The following INPP4B variants were observed in gnomAD, a reference collection of about 807,000 sequenced individuals.
INPP4B encodes inositol polyphosphate-4-phosphatase type II B.
Under a neutral mutation model 122.5 loss-of-function variants are expected in INPP4B, and 55 were observed. The ratio of observed to expected loss-of-function variants is 0.45; its 90% CI spans 0.36 to 0.56. The LOEUF (loss-of-function observed/expected upper bound fraction) is 0.56. Among genes scored for constraint, INPP4B ranks in the 20% least tolerant of loss-of-function variants. The probability of loss-of-function intolerance (pLI) is 0.00; values close to 1 mark genes in which losing one functional copy is unlikely to be tolerated. For missense variants in INPP4B, 1,000 were observed against 1,097.7 expected (o/e 0.91, Z 1.26); for synonymous variants, 403 against 388.7 (o/e 1.04, Z -0.43).
intron 2 of INPP4B, among the ~76,000 whole-genome samples, chr4:142,718,591 T>C (rs1273568035): frequency 3.3e-5 from 5 of 152,174 alleles, no homozygotes; most frequent in South Asian, 4.1e-4. Context: ...TGTTCATGAA[T>C]AGCACTTTCT....
chr4:142,212,522 G>A (rs1320433082), intron 12 of INPP4B, among the ~76,000 whole-genome samples: 2 of 152,126 alleles, frequency 1.3e-5, no homozygotes, highest in Admixed American at 6.6e-5. Context: ...AGTTTCAGAC[G>A]TATTTTTCCT....
chr4:142,061,171 A>G (rs879147838), intron 25 of INPP4B, among the ~76,000 whole-genome samples: 4 of 152,210 alleles, frequency 2.6e-5, no homozygotes, highest in Admixed American at 1.3e-4. Flanking sequence ...TAACAAGAAG[A>G]TAAGTTTTAT....
At chr4:142,380,020 A>C (rs1793507054) in intron 7 of INPP4B, among the ~76,000 whole-genome samples, 1 of 152,246 alleles carries the variant, frequency 6.6e-6, no homozygotes, top group Admixed American at 6.5e-5. Flanking sequence ...CTCAGAGTCC[A>C]GGGAAATAAC....
chr4:142,461,381 A>G (rs1004753956), intron 3 of INPP4B, among the ~76,000 whole-genome samples: 3 of 152,208 alleles, frequency 2.0e-5, no homozygotes, highest in African/African-American at 7.2e-5. Flanking sequence ...CAATTTGTGT[A>G]GTTTTTCTCC....
rs3043168 is a variant in INPP4B, at chr4:142,042,516, GTGTATGTATGTATGTATGTA to G, written c.2643-13622_2643-13603del. Among the ~76,000 whole-genome samples the G allele has an allele frequency of 3.5e-3, 167 of 48,192 alleles. 2 individuals are homozygous for G. Among genetic ancestry groups the G allele is most frequent in the East Asian group, 0.024 (58 of 2,436 alleles). 31.6% of individuals were successfully genotyped at this position (48,192 alleles called of 152,430 possible). ...TTTTCCACTGCCAATTTATGTGTGT[GTGTATGTATGTATGTATGTA>G]TGTATGTATGTATGTATGTATGTAT... On this transcript the variant is annotated intron_variant, in intron 25 of 25. Transcript: ENST00000262992.
In INPP4B at chr4:142,410,483, A is replaced by G. The variant is rs199783157; in HGVS notation, c.137-5159T>C. 2.0e-5 allele frequency among the ~76,000 whole-genome samples: 3 copies of G among 152,232 alleles called. No homozygotes were observed. The East Asian group carries it at 5.8e-4, about 29-fold the overall frequency. On this transcript the variant is annotated intron_variant, in intron 5 of 25. Transcript: ENST00000262992. ...TCTTCCAGAACAAAGCAGTGGCCAC[A>G]GGTGCGTGGGAATCAGTGAGGGGGA... is the stretch of plus-strand genomic sequence containing the variant.
chr4:142,762,202 A>T (rs758680716), intron 1 of INPP4B, among the ~76,000 whole-genome samples: 12 of 152,070 alleles, frequency 7.9e-5, no homozygotes, highest in Non-Finnish European at 1.3e-4. Context: ...CAACTCCCTC[A>T]AATTCTGTAA....
intron 25 of INPP4B, among the ~76,000 whole-genome samples, chr4:142,051,957 G>T (rs1237571138): frequency 2.0e-5 from 3 of 151,864 alleles, no homozygotes; most frequent in Non-Finnish European, 4.4e-5. Flanking sequence ...AAAGCAATGT[G>T]GATTCCTTAT....
intron 14 of INPP4B, among the ~76,000 whole-genome samples, chr4:142,200,808 A>G (rs1840322152): frequency 6.6e-6 from 1 of 151,996 alleles, no homozygotes; most frequent in Non-Finnish European, 1.5e-5. Flanking sequence ...TGAACTTCAT[A>G]GAATAAATTT....
At chr4:142,170,958 G>C (rs1825346207) in intron 16 of INPP4B, among the ~76,000 whole-genome samples, 1 of 151,750 alleles carries the variant, frequency 6.6e-6, no homozygotes, top group Non-Finnish European at 1.5e-5. Flanking sequence ...AGTAGCAGTA[G>C]AGATGATGTA....
At chr4:142,691,316 G>A (rs1343324095) in intron 2 of INPP4B, among the ~76,000 whole-genome samples, 2 of 151,338 alleles carry the variant, frequency 1.3e-5, no homozygotes, top group South Asian at 2.1e-4. Context: ...CCAAAATGCC[G>A]ACAAGGGCAA....
rs370828434 is a variant in INPP4B at position 142,260,578 on chromosome 4, T to TAA, written c.616-16_616-15dup. 2.5e-3 allele frequency: 2,695 copies of TAA among 1,075,138 alleles called. No homozygotes were observed. Among genetic ancestry groups the TAA allele is most frequent in the Non-Finnish European group, 2.8e-3 (2,228 of 788,238 alleles). 66.6% of individuals were successfully genotyped at this position (1,075,138 alleles called of 1,614,324 possible). A position where few individuals can be genotyped will look rare whatever the true frequency, so the allele number is the denominator to read the frequency against. The stretch of plus-strand genomic sequence containing the variant: ...TACCAGGGCACACTAGGAAAAAATG[T>TAA]AAAAAAAAAAAAAAAATTTTGAGAA... On this transcript the variant is annotated splice_polypyrimidine_tract_variant and intron_variant, in intron 10 of 25. Transcript: ENST00000262992.
chr4:142,584,680 C>T (rs79784697), intron 2 of INPP4B, among the ~76,000 whole-genome samples: 2,142 of 152,128 alleles, frequency 0.014, 39 homozygotes, highest in African/African-American at 0.041. Flanking sequence ...CCTTAATCAC[C>T]TGGATAAGGC....
At chr4:142,372,266 C>A (rs1278382533) in intron 7 of INPP4B, among the ~76,000 whole-genome samples, 1 of 151,886 alleles carries the variant, frequency 6.6e-6, no homozygotes, top group African/African-American at 2.4e-5. Flanking sequence ...ATAATGGTTA[C>A]CAGAGTCTGG....
chr4:142,470,652 C>T (rs1248440930), intron 2 of INPP4B, among the ~76,000 whole-genome samples: 1 of 152,112 alleles, frequency 6.6e-6, no homozygotes, highest in South Asian at 2.1e-4. Context: ...ATTACAAGTA[C>T]CACAGCCAGC....
At chr4:142,043,219 G>A (rs1437892862) in intron 25 of INPP4B, among the ~76,000 whole-genome samples, 10 of 151,980 alleles carry the variant, frequency 6.6e-5, no homozygotes, top group Admixed American at 3.9e-4. Flanking sequence ...TACAATTTAT[G>A]TTATCAGCTC....
intron 25 of INPP4B, among the ~76,000 whole-genome samples, chr4:142,041,580 T>C (rs986600183): frequency 2.6e-5 from 4 of 152,110 alleles, no homozygotes; most frequent in Admixed American, 6.5e-5. Context: ...ATCAGGTCAT[T>C]GCACTCCAGC....
chr4:142,041,267 A>G (rs1446234745), intron 25 of INPP4B, among the ~76,000 whole-genome samples: 3 of 152,148 alleles, frequency 2.0e-5, no homozygotes, highest in Admixed American at 2.0e-4. Context: ...TTATTGTGAG[A>G]ATTATGTAAA....
intron 12 of INPP4B, among the ~76,000 whole-genome samples, chr4:142,223,914 T>C (rs188426604): frequency 1.2e-3 from 188 of 152,270 alleles, no homozygotes; most frequent in Admixed American, 2.6e-3. Flanking sequence ...GACAGAAACC[T>C]ACAAACACAT....
Sources: allele counts gnomAD v4.1 joint callset (sites outside exome capture counted in the v4.1 genomes callset), GRCh38; gene constraint gnomAD v4.1.1; transcripts MANE v1.5; gene names NCBI Gene and HGNC (gene_info 2026-07-23, HGNC 2026-07-21).